Variants in KLF12 observed in about 807,000 individuals in gnomAD.
The protein encoded by KLF12 is KLF transcription factor 12, also known as Krueppel-like factor 12.
In KLF12, 9 loss-of-function variants were observed where a neutral mutation model predicts 37.8. That is an observed-to-expected ratio of 0.24 (90% CI 0.14 to 0.42). KLF12 has a LOEUF of 0.42. KLF12 is among the 10% of genes least tolerant of loss of function. The pLI is 1.00. For missense variants in KLF12, 411 were observed against 516.0 expected (o/e 0.80, Z 1.97); for synonymous variants, 208 against 202.1 (o/e 1.03, Z -0.25).
intron 1 of KLF12, among the ~76,000 whole-genome samples, chr13:74,065,785 C>T (rs1487286641): frequency 6.6e-6 from 1 of 152,054 alleles, no homozygotes; most frequent in Non-Finnish European, 1.5e-5. Flanking sequence ...ATCCTCCCCT[C>T]TCCTCAAGGG....
chr13:73,948,511 G>C (rs980815659), intron 2 of KLF12, among the ~76,000 whole-genome samples: 3 of 152,204 alleles, frequency 2.0e-5, no homozygotes, highest in African/African-American at 7.2e-5. Context: ...GAGCCACCAG[G>C]ATGGCATAGC....
chr13:74,191,131 T>C, the KLF12 span, among the ~76,000 whole-genome samples: 1 of 152,206 alleles, frequency 6.6e-6, no homozygotes, highest in African/African-American at 2.4e-5. Context: ...GTCTGCTTCA[T>C]TATATTGTGA....
chr13:73,975,488 G>A (rs1480442944), intron 2 of KLF12, among the ~76,000 whole-genome samples: 1 of 152,004 alleles, frequency 6.6e-6, no homozygotes, highest in Non-Finnish European at 1.5e-5. Flanking sequence ...CCAAGCTTAG[G>A]CACAGCTAAA....
chr13:73,747,356 C>A (rs1225460721), intron 6 of KLF12, among the ~76,000 whole-genome samples: 1 of 151,836 alleles, frequency 6.6e-6, no homozygotes, highest in South Asian at 2.1e-4. Flanking sequence ...GGAGAATATG[C>A]AAAAGGAAAT....
chr13:74,202,366 T>C, the KLF12 span, among the ~76,000 whole-genome samples: 1 of 152,076 alleles, frequency 6.6e-6, no homozygotes, highest in East Asian at 1.9e-4. Flanking sequence ...TGCTCCACTA[T>C]TCAAGGGATT....
intron 7 of KLF12, among the ~76,000 whole-genome samples, chr13:73,706,257 C>T (rs1400553938): frequency 6.6e-6 from 1 of 152,028 alleles, no homozygotes; most frequent in Non-Finnish European, 1.5e-5. Context: ...AAACACAACT[C>T]ATTTAGTTAT....
chr13:74,280,835 T>C, the KLF12 span, among the ~76,000 whole-genome samples: 72 of 149,060 alleles, frequency 4.8e-4, 2 homozygotes, highest in African/African-American at 1.6e-3. Flanking sequence ...CTTTTTTTTT[T>C]TTTTTTGCCA....
intron 1 of KLF12, among the ~76,000 whole-genome samples, chr13:74,125,908 G>A (rs1336670): frequency 0.54 from 82,626 of 152,050 alleles, 27,510 homozygotes; most frequent in East Asian, 0.88. Context: ...AGGGAGGTAG[G>A]AGTAACACAA....
chr13:74,208,060 C>A, the KLF12 span, among the ~76,000 whole-genome samples: 1 of 152,090 alleles, frequency 6.6e-6, no homozygotes, highest in African/African-American at 2.4e-5. Context: ...GGAAAAAATG[C>A]AGTAATAAGT....
the KLF12 span, among the ~76,000 whole-genome samples, chr13:74,182,430 A>T: frequency 2.6e-5 from 4 of 152,224 alleles, no homozygotes; most frequent in Admixed American, 2.6e-4. Flanking sequence ...GGTTTAAATC[A>T]GTTCAAACAG....
chr13:73,898,583 A>G (rs1223601575), intron 3 of KLF12, among the ~76,000 whole-genome samples: 1 of 152,184 alleles, frequency 6.6e-6, no homozygotes, highest in Non-Finnish European at 1.5e-5. Flanking sequence ...TGGAGAGAAA[A>G]AAGAGTGAAT....
chr13:74,235,579 T>G, the KLF12 span, among the ~76,000 whole-genome samples: 1 of 152,186 alleles, frequency 6.6e-6, no homozygotes, highest in Admixed American at 6.5e-5. Context: ...TCACTCTAAC[T>G]ATAAAAATAA....
chr13:73,734,581 T>C (rs897896573), intron 6 of KLF12, among the ~76,000 whole-genome samples: 2 of 151,962 alleles, frequency 1.3e-5, no homozygotes, highest in African/African-American at 4.8e-5. Flanking sequence ...TTCTTTGATA[T>C]CTGAAAATAT....
intron 1 of KLF12, among the ~76,000 whole-genome samples, chr13:74,078,871 G>C (rs1433893313): frequency 1.3e-5 from 2 of 152,140 alleles, no homozygotes; most frequent in Non-Finnish European, 2.9e-5. Flanking sequence ...CACTGGAAAT[G>C]AGTTCCTAGA....
intron 4 of KLF12, among the ~76,000 whole-genome samples, chr13:73,841,643 TC>T (rs1884739957): frequency 6.6e-6 from 1 of 152,178 alleles, no homozygotes; most frequent in Admixed American, 6.5e-5. Flanking sequence ...CCTTTAGGGT[TC>T]GGTTTATAAA....
At position 73,712,870 on chromosome 13, in the gene KLF12, C is replaced by T. The variant is rs566505021; in HGVS notation, c.1027+2498G>A. Reference sequence around the variant, plus strand: ...AATTATGTACTTTTTTTAGACAATGCTATTGCACACTTGAGTATAGTGTAA... The same window carrying T: ...AATTATGTACTTTTTTTAGACAATGTTATTGCACACTTGAGTATAGTGTAA... On this transcript the variant is annotated intron_variant, in intron 7 of 7. Coordinates refer to ENST00000377669, the MANE Select transcript of KLF12 (RefSeq NM_007249.5). Among the ~76,000 whole-genome samples, 7 of 152,274 alleles carry T rather than the reference C, an allele frequency of 4.6e-5. No homozygotes were observed. In the South Asian group the frequency reaches 1.4e-3, roughly 32 times the overall value.
At chr13:74,025,546 T>G (rs1211100418) in intron 1 of KLF12, among the ~76,000 whole-genome samples, 1 of 151,198 alleles carries the variant, frequency 6.6e-6, no homozygotes, top group Non-Finnish European at 1.5e-5. Flanking sequence ...TGTTGGACAC[T>G]TTGGTTTGTT....
At chr13:74,234,800 A>G in the KLF12 span, among the ~76,000 whole-genome samples, 1 of 151,942 alleles carries the variant, frequency 6.6e-6, no homozygotes, top group African/African-American at 2.4e-5. Flanking sequence ...CCTGCTGAAG[A>G]CCATTATATG....
intron 6 of KLF12, among the ~76,000 whole-genome samples, chr13:73,756,265 T>C (rs1879161722): frequency 2.6e-5 from 4 of 152,210 alleles, no homozygotes; most frequent in South Asian, 4.1e-4. Flanking sequence ...ATGCATTTCA[T>C]AGGCAGTTCC....
Sources: gnomAD v4.1 joint callset for allele counts (sites outside exome capture counted in the v4.1 genomes callset) on GRCh38, gnomAD v4.1.1 for gene constraint, MANE v1.5 for transcripts, NCBI Gene and HGNC (gene_info 2026-07-23, HGNC 2026-07-21) for gene names.